Variants in OGG1 observed in about 807,000 individuals in gnomAD.
The protein encoded by OGG1 is N-glycosylase/DNA lyase.
In OGG1, 35 loss-of-function variants were observed where a neutral mutation model predicts 42.3. The ratio of observed to expected loss-of-function variants is 0.83; its 90% CI spans 0.63 to 1.10. OGG1 has a LOEUF of 1.10. Among genes scored for constraint, OGG1 ranks in the 50% least tolerant of loss-of-function variants. OGG1 has a pLI of 0.00. For missense variants in OGG1, 484 were observed against 446.7 expected (o/e 1.08, Z -0.75); for synonymous variants, 189 against 179.0 (o/e 1.06, Z -0.44).
chr3:9,763,026 C>G, intron 7 of OGG1: 1 of 1,614,054 alleles, frequency 6.2e-7, no homozygotes. Flanking sequence ...TTCCACAATA[C>G]GGTCAAAGAG....
intron 2 of OGG1, chr3:9,780,248 C>T (rs982509710): frequency 3.9e-5 from 47 of 1,218,842 alleles, no homozygotes; most frequent in East Asian, 7.1e-5. Context: ...TAGAGACTGC[C>T]GCCATTTGAG....
downstream of OGG1, chr3:9,757,741 G>A (rs2077652482): frequency 6.2e-7 from 1 of 1,614,178 alleles, no homozygotes; most frequent in Non-Finnish European, 8.5e-7. The surrounding 1 kb of genome is among the most constrained non-coding windows in gnomAD (Gnocchi z 4.5). Flanking sequence ...CCAGCCACTG[G>A]TGTCAGCAGC....
Position 9,757,401 on chromosome 3 carries a change from T to A in OGG1, c.*251T>A. 1 of 1,610,836 alleles carries A rather than the reference T, an allele frequency of 6.2e-7. No homozygotes were observed. ...GAACAATAAAATAGAAACATTTGTATGGAAAATGCAGTGAGGAGTGGTAGG... is the reference window on the plus strand; with the variant it reads ...GAACAATAAAATAGAAACATTTGTAAGGAAAATGCAGTGAGGAGTGGTAGG... On this transcript the variant is annotated 3_prime_UTR_variant, in exon 7 of 7. Coordinates refer to ENST00000344629, the MANE Select transcript of OGG1 (RefSeq NM_002542.6). The surrounding 1 kb of genome is among the most constrained non-coding windows in gnomAD (Gnocchi z 4.5).
At chr3:9,758,431 C>G (rs973410217), downstream of OGG1, 3 of 154,452 alleles carry the variant, frequency 1.9e-5, no homozygotes, top group Admixed American at 1.9e-4. Flanking sequence ...CCCTTGACAT[C>G]TCTTTCCCCC....
chr3:9,773,633 T>C (rs904609239), intron 2 of OGG1, among the ~76,000 whole-genome samples: 3 of 150,288 alleles, frequency 2.0e-5, no homozygotes, highest in African/African-American at 7.3e-5. Context: ...TTTTCTTCTT[T>C]TTTTTTTTTT....
At chr3:9,787,637 G>T (rs888756121) in intron 3 of OGG1, 3 of 1,352,484 alleles carry the variant, frequency 2.2e-6, no homozygotes, top group African/African-American at 1.5e-5. Context: ...ATTGCCTCTC[G>T]AGAGAATTAG....
chr3:9,767,913 CA>C, downstream of OGG1: 1 of 1,304,440 alleles, frequency 7.7e-7, no homozygotes, highest in South Asian at 1.7e-5. Flanking sequence ...AATCATTCAA[CA>C]AACATTCATT....
chr3:9,762,853 T>G (rs912512414), intron 7 of OGG1: 2 of 1,555,144 alleles, frequency 1.3e-6, no homozygotes, highest in African/African-American at 2.7e-5. Context: ...TCAGACAGTT[T>G]GGGGTTTGCA....
At chr3:9,783,945 G>A in intron 3 of OGG1, 1 of 1,473,992 alleles carries the variant, frequency 6.8e-7, no homozygotes. Context: ...TGGAAAGCCT[G>A]TTGTAAAACC....
intron 3 of OGG1, chr3:9,783,867 A>G (rs2078540002): frequency 1.6e-6 from 2 of 1,278,730 alleles, no homozygotes; most frequent in African/African-American, 1.5e-5. Context: ...TGTTTGGGAC[A>G]TACCCGGTGG....
intron 2 of OGG1, among the ~76,000 whole-genome samples, chr3:9,775,946 C>T (rs2078358144): frequency 6.6e-6 from 1 of 152,090 alleles, no homozygotes; most frequent in Admixed American, 6.6e-5. Flanking sequence ...GACTATACAC[C>T]CAGAGCTGTT....
downstream of OGG1, chr3:9,761,596 C>A (rs369444327): frequency 1.4e-5 from 23 of 1,613,670 alleles, no homozygotes; most frequent in African/African-American, 2.9e-4. Context: ...CTGGTTCCCC[C>A]CACCATCACA....
In OGG1 at chr3:9,750,133, T is replaced by C. The variant is rs141965387; in HGVS notation, c.-154T>C. 930 of 939,104 alleles carry C rather than the reference T, an allele frequency of 9.9e-4. 2 individuals are homozygous for C. Among genetic ancestry groups the C allele is most frequent in the African/African-American group, 6.0e-3 (362 of 60,398 alleles). 58.2% of individuals were successfully genotyped at this position (939,104 alleles called of 1,614,324 possible). ...CGCAAAGGGCGAGGCATGCAGGAGG[T>C]GGAGGAATTAAGTGAAACAGGGAAG... is the stretch of plus-strand genomic sequence containing the variant. On this transcript the variant is annotated 5_prime_UTR_variant, in exon 1 of 7. Coordinates refer to ENST00000344629, the MANE Select transcript of OGG1 (RefSeq NM_002542.6).
rs1180868926 is a variant in OGG1 at position 9,757,095 on chromosome 3, A to G, written c.983A>G (p.His328Arg). 1.9e-6 allele frequency: 3 copies of G among 1,614,120 alleles called. No homozygotes were observed. The highest frequency in any genetic ancestry group is 1.3e-5 in the African/African-American group (1 of 75,040). The change falls in exon 7 of 7, where the codon CAT becomes CGT. Residue 328 changes from histidine (H) to arginine (R), a missense_variant. Coordinates refer to ENST00000344629, the MANE Select transcript of OGG1 (RefSeq NM_002542.6). The surrounding 1 kb of genome is among the most constrained non-coding windows in gnomAD (Gnocchi z 4.5). The part of the protein sequence containing the change: ...LFSADLRQSR[H>R]AQEPPAKRRK... ...AGTGCCGACCTGCGCCAATCCCGCC[A>G]TGCTCAGGAGCCACCAGCAAAGCGC...
chr3:9,759,823 C>G, downstream of OGG1: 1 of 1,612,770 alleles, frequency 6.2e-7, no homozygotes, highest in Middle Eastern at 1.7e-4. Flanking sequence ...AGCATACCCA[C>G]TCCCTCAGGT....
At chr3:9,770,550 A>G (rs1015116789), downstream of OGG1, among the ~76,000 whole-genome samples, 5 of 152,030 alleles carry the variant, frequency 3.3e-5, no homozygotes, top group Non-Finnish European at 5.9e-5. Flanking sequence ...TGCTCCTCAG[A>G]GCGGGTGGTG....
downstream of OGG1, chr3:9,757,542 G>A (rs2077638631): frequency 6.2e-7 from 1 of 1,613,214 alleles, no homozygotes; most frequent in East Asian, 2.2e-5. This position sits in a 1 kb window ranked among gnomAD's most constrained non-coding sequence, Gnocchi z 4.5. Context: ...CAGGGCCCTA[G>A]AGCTGGTGGG....
intron 3 of OGG1, chr3:9,783,911 G>A: frequency 7.0e-7 from 1 of 1,421,744 alleles, no homozygotes; most frequent in East Asian, 2.6e-5. Flanking sequence ...AGGCTCTCCA[G>A]GTGATTTAGA....
intron 3 of OGG1, chr3:9,784,152 A>G (rs150231426): frequency 5.9e-5 from 96 of 1,614,036 alleles, no homozygotes; most frequent in Non-Finnish European, 8.1e-5. Flanking sequence ...TCAGACTCCA[A>G]AAGGCCCTGG....
Sources: gnomAD v4.1 joint callset for allele counts (sites outside exome capture counted in the v4.1 genomes callset) on GRCh38, gnomAD v4.1.1 for gene constraint, Gnocchi (gnomAD v3.1) non-coding constraint, MANE v1.5 for transcripts, NCBI Gene and HGNC (gene_info 2026-07-23, HGNC 2026-07-21) for gene names.